The following SNX29 variants were observed in gnomAD, a reference collection of about 807,000 sequenced individuals.
SNX29 encodes the protein sorting nexin-29.
In SNX29, 78 loss-of-function variants were observed where a neutral mutation model predicts 102.1. That is an observed-to-expected ratio of 0.76 (90% confidence interval 0.64 to 0.92). SNX29 has a LOEUF of 0.92. SNX29 is among the 40% of genes least tolerant of loss of function. SNX29 has a pLI of 0.00. For synonymous variants in SNX29, 580 were observed against 414.5 expected, an observed-to-expected ratio of 1.40 and a Z score of -4.85; for missense variants, 1,280 against 1,061.7, an observed-to-expected ratio of 1.21 and a Z score of -2.86.
chr16:12,570,105 AAAGG>A lies in SNX29; in HGVS notation c.*1480_*1483del, dbSNP rs139073845. ...ATACTGTGCCTTCCCCTCGTAGCAAAAAGGAAGATTGTTCATGGCCTTTAAGGAA... is the reference window on the plus strand; with the variant it reads ...ATACTGTGCCTTCCCCTCGTAGCAAAAAGATTGTTCATGGCCTTTAAGGAA... On this transcript the variant is annotated 3_prime_UTR_variant, in exon 21 of 21. Coordinates refer to ENST00000566228, the MANE Select transcript of SNX29 (RefSeq NM_032167.5). 0.017 allele frequency: 16,873 copies of A among 1,001,018 alleles called. 281 individuals are homozygous for A. Among genetic ancestry groups the A allele is most frequent in the South Asian group, 0.1 (2,114 of 20,804 alleles). The allele number at this position is 1,001,018 out of a possible 1,614,324, so 62.0% of individuals were successfully genotyped here.
chr16:12,362,718 T>A (rs2082344200), intron 16 of SNX29, among the ~76,000 whole-genome samples: 1 of 151,824 alleles, frequency 6.6e-6, no homozygotes, highest in Non-Finnish European at 1.5e-5. Context: ...TCCTCAGGAA[T>A]CCTCCCTGAA....
intron 18 of SNX29, among the ~76,000 whole-genome samples, chr16:12,426,342 G>GA (rs1291431745): frequency 3.3e-5 from 5 of 152,002 alleles, no homozygotes; most frequent in African/African-American, 9.7e-5. Flanking sequence ...TGGCAGGGGG[G>GA]TAAGAGACAG....
chr16:12,074,157 T>C (rs2051433647), intron 10 of SNX29, among the ~76,000 whole-genome samples: 1 of 151,178 alleles, frequency 6.6e-6, no homozygotes, highest in Non-Finnish European at 1.5e-5. Context: ...TTGGAGCATT[T>C]AGTCCATTTA....
intron 13 of SNX29, among the ~76,000 whole-genome samples, chr16:12,196,240 G>T (rs1319580922): frequency 6.6e-6 from 1 of 152,060 alleles, no homozygotes; most frequent in Admixed American, 6.6e-5. Flanking sequence ...CAGGTGGGTA[G>T]CATGAGCCAC....
At position 12,393,684 on chromosome 16, in the gene SNX29, A is replaced by C. The variant is rs75360962; in HGVS notation, c.1900-4762A>C. Reference sequence around the variant, plus strand: ...GGAATTCATATTTTGGCTGAGTCTTAGATGAGAAGAGCTAACCTTACAGAG... The same window carrying C: ...GGAATTCATATTTTGGCTGAGTCTTCGATGAGAAGAGCTAACCTTACAGAG... On this transcript the variant is annotated intron_variant, in intron 16 of 20. Transcript: ENST00000566228. Among the ~76,000 whole-genome samples, 287 of 152,360 alleles carry C rather than the reference A, an allele frequency of 1.9e-3. 2 individuals carry two copies. Among genetic ancestry groups the C allele is most frequent in the African/African-American group, 6.4e-3 (267 of 41,586 alleles).
chr16:12,310,347 C>T lies in SNX29; in HGVS notation c.1782+32311C>T, dbSNP rs557096688. Among the ~76,000 whole-genome samples the T allele has an allele frequency of 6.6e-5, 10 of 152,312 alleles. No homozygotes were observed. In the East Asian group the frequency reaches 1.4e-3, roughly 21 times the overall value. On this transcript the variant is annotated intron_variant, in intron 15 of 20. Transcript: ENST00000566228. Reference sequence around the variant, plus strand: ...TTTATCCTAGAGAAAAGGAAATACACGTTCACACAAGGACTTGTGCACAAA... The same window carrying T: ...TTTATCCTAGAGAAAAGGAAATACATGTTCACACAAGGACTTGTGCACAAA...
At chr16:12,291,486 A>G (rs1021064844) in intron 15 of SNX29, among the ~76,000 whole-genome samples, 2 of 152,182 alleles carry the variant, frequency 1.3e-5, no homozygotes, top group Admixed American at 6.5e-5. Context: ...TGTGGGAGCT[A>G]CAATTCAAGG....
intron 13 of SNX29, among the ~76,000 whole-genome samples, chr16:12,177,439 A>G (rs2076285453): frequency 1.3e-5 from 2 of 152,210 alleles, no homozygotes; most frequent in African/African-American, 2.4e-5. Context: ...AGATGTGACT[A>G]GGTCCTCATG....
At chr16:12,529,376 C>G (rs1352516027) in intron 20 of SNX29, among the ~76,000 whole-genome samples, 5 of 152,148 alleles carry the variant, frequency 3.3e-5, no homozygotes, top group African/African-American at 1.2e-4. Context: ...TTGCAGATGG[C>G]AGAGATCCCC....
chr16:12,232,032 A>C (rs1288069410), intron 14 of SNX29, among the ~76,000 whole-genome samples: 1 of 152,108 alleles, frequency 6.6e-6, no homozygotes, highest in Non-Finnish European at 1.5e-5. Context: ...GTAAGTTCTC[A>C]TGTCTGGGAA....
At chr16:12,467,627 C>T (rs78251463) in intron 18 of SNX29, among the ~76,000 whole-genome samples, 13 of 132,256 alleles carry the variant, frequency 9.8e-5, no homozygotes, top group African/African-American at 3.9e-4. Flanking sequence ...TTCGTTAGTT[C>T]GTTCGTTCGT....
rs541940927 is a variant in SNX29, at chr16:12,571,680, C to G, written c.*3051C>G. On this transcript the variant is annotated 3_prime_UTR_variant, in exon 21 of 21. Transcript: ENST00000566228. ...GAACGGTAGGGCTGGGCAGAGGTGT[C>G]TCTCCTTGAGAGACAACAAAAGCTT... 3.0e-3 allele frequency: 3,218 copies of G among 1,059,620 alleles called. 6 individuals are homozygous for G. Among genetic ancestry groups the G allele is most frequent in the Non-Finnish European group, 3.4e-3 (3,001 of 876,258 alleles). 65.6% of individuals were successfully genotyped at this position (1,059,620 alleles called of 1,614,324 possible).
At chr16:12,287,948 T>A (rs970519261) in intron 15 of SNX29, among the ~76,000 whole-genome samples, 1 of 152,226 alleles carries the variant, frequency 6.6e-6, no homozygotes, top group Non-Finnish European at 1.5e-5. Context: ...GTTAGGTTTT[T>A]CATGGCATTT....
chr16:12,368,841 G>A (rs1396200574), intron 16 of SNX29, among the ~76,000 whole-genome samples: 1 of 152,222 alleles, frequency 6.6e-6, no homozygotes. Context: ...GGGCTCACGT[G>A]CCCCTTGTTC....
chr16:12,418,263 G>T (rs777327624), intron 18 of SNX29, among the ~76,000 whole-genome samples: 1 of 152,070 alleles, frequency 6.6e-6, no homozygotes, highest in Non-Finnish European at 1.5e-5. Flanking sequence ...CCGCAAAACC[G>T]TTTGCTAGCG....
At chr16:12,565,133 GC>G (rs5815698) in intron 20 of SNX29, among the ~76,000 whole-genome samples, 2 of 83,714 alleles carry the variant, frequency 2.4e-5, no homozygotes, top group Non-Finnish European at 4.6e-5. Flanking sequence ...ATCCACATTA[GC>G]CCCCACTTCC....
At chr16:12,566,234 A>C (rs1412881822) in intron 20 of SNX29, among the ~76,000 whole-genome samples, 1 of 152,160 alleles carries the variant, frequency 6.6e-6, no homozygotes, top group African/African-American at 2.4e-5. Context: ...GTCATCCCCA[A>C]ATGACAGACA....
Position 12,250,591 on chromosome 16 carries a change from A to G in SNX29, c.1679-27342A>G, listed in dbSNP as rs564130671. On this transcript the variant is annotated intron_variant, in intron 14 of 20. Transcript: ENST00000566228. ...CGAAGCACAATGCAGAGCTTGATGC[A>G]GTCCTCGGGTTGTGTTTTGGGAGAA... 2.0e-5 allele frequency among the ~76,000 whole-genome samples: 3 copies of G among 152,302 alleles called. No homozygotes were observed. The South Asian group carries it at 6.2e-4, about 32-fold the overall frequency.
At chr16:12,539,727 T>C (rs1468380074) in intron 20 of SNX29, among the ~76,000 whole-genome samples, 1 of 152,226 alleles carries the variant, frequency 6.6e-6, no homozygotes, top group East Asian at 1.9e-4. Context: ...CTGTGGCTGT[T>C]CACAAGGATG....
Sources: allele counts gnomAD v4.1 joint callset (sites outside exome capture counted in the v4.1 genomes callset), GRCh38; gene constraint gnomAD v4.1.1; transcripts MANE v1.5; gene names NCBI Gene and HGNC (gene_info 2026-07-23, HGNC 2026-07-21).